TMTC2: variants seen among roughly 807,000 people sequenced by gnomAD.
The protein encoded by TMTC2 is transmembrane O-mannosyltransferase targeting cadherins 2, also known as protein O-mannosyl-transferase TMTC2.
Under a neutral mutation model 82.4 loss-of-function variants are expected in TMTC2, and 43 were observed. That is an observed-to-expected ratio of 0.52 (90% confidence interval 0.41 to 0.67). TMTC2 has a LOEUF of 0.67. TMTC2 is among the 30% of genes least tolerant of loss of function. The pLI is 0.00. For missense variants in TMTC2, 919 were observed against 1,012.4 expected, an observed-to-expected ratio of 0.91 and a Z score of 1.25; for synonymous variants, 408 against 381.9, an observed-to-expected ratio of 1.07 and a Z score of -0.80.
At chr12:83,085,663 A>T (rs11836568) in intron 11 of TMTC2, among the ~76,000 whole-genome samples, 8,404 of 152,256 alleles carry the variant, frequency 0.055, 346 homozygotes, top group East Asian at 0.23. Flanking sequence ...CTTTCCCAAC[A>T]TGGTATTCTT....
chr12:82,763,376 G>T (rs959591239), intron 1 of TMTC2, among the ~76,000 whole-genome samples: 4 of 152,136 alleles, frequency 2.6e-5, no homozygotes, highest in African/African-American at 9.7e-5. Flanking sequence ...TCACTTAGGG[G>T]AATTATTAAA....
chr12:82,787,082 G>T (rs1878212679), intron 1 of TMTC2, among the ~76,000 whole-genome samples: 1 of 152,016 alleles, frequency 6.6e-6, no homozygotes, highest in South Asian at 2.1e-4. Context: ...TTGGGGGCTA[G>T]GGTTACATAT....
At chr12:82,936,054 G>A (rs1225571365) in intron 4 of TMTC2, among the ~76,000 whole-genome samples, 2 of 151,878 alleles carry the variant, frequency 1.3e-5, no homozygotes, top group African/African-American at 4.8e-5. Context: ...TTAAGACTGA[G>A]AAAAGTTATA....
intron 1 of TMTC2, among the ~76,000 whole-genome samples, chr12:82,852,749 AT>A (rs1871050300): frequency 6.6e-6 from 1 of 151,946 alleles, no homozygotes; most frequent in African/African-American, 2.4e-5. Flanking sequence ...CCTTTTTCTT[AT>A]TTTGCTGGAG....
intron 9 of TMTC2, among the ~76,000 whole-genome samples, chr12:83,033,382 A>G (rs867985751): frequency 6.6e-6 from 1 of 152,342 alleles, no homozygotes; most frequent in African/African-American, 2.4e-5. Context: ...AGCCTAGAGA[A>G]ATGAAGTTGA....
intron 4 of TMTC2, among the ~76,000 whole-genome samples, chr12:82,931,411 G>A (rs1035057713): frequency 2.0e-5 from 3 of 152,110 alleles, no homozygotes; most frequent in Non-Finnish European, 2.9e-5. Context: ...AAATCCCTAG[G>A]GGAAAAACTG....
At chr12:82,819,497 C>CTTTTTTTTTTT (rs766912583) in intron 1 of TMTC2, among the ~76,000 whole-genome samples, 1 of 118,286 alleles carries the variant, frequency 8.5e-6, no homozygotes, top group Non-Finnish European at 1.7e-5. Flanking sequence ...TTCTCTCTTT[C>CTTTTTTTTTTT]TTTTTTTTTT....
chr12:83,054,264 A>G lies in TMTC2; in HGVS notation c.2267+3246A>G, dbSNP rs140057740. On this transcript the variant is annotated intron_variant, in intron 10 of 11. Transcript: ENST00000321196. Reference sequence around the variant, plus strand: ...AAGTATAACCTAACTTAGCTGATACAAAATATGTCTGTGCAAAGAAATAGG... The same window carrying G: ...AAGTATAACCTAACTTAGCTGATACGAAATATGTCTGTGCAAAGAAATAGG... Among the ~76,000 whole-genome samples the G allele has an allele frequency of 2.7e-3, 416 of 152,236 alleles. 2 individuals carry two copies. The highest frequency in any genetic ancestry group is 6.8e-3 in the Middle Eastern group (2 of 294).
At chr12:82,943,735 A>G (rs978045976) in intron 4 of TMTC2, among the ~76,000 whole-genome samples, 2 of 152,236 alleles carry the variant, frequency 1.3e-5, no homozygotes, top group Non-Finnish European at 2.9e-5. Context: ...GTATATTTAT[A>G]AATATGAATT....
At chr12:82,741,432 T>C (rs551894406) in intron 1 of TMTC2, among the ~76,000 whole-genome samples, 27 of 152,174 alleles carry the variant, frequency 1.8e-4, no homozygotes, top group Non-Finnish European at 3.8e-4. Flanking sequence ...TGCCTTAGCC[T>C]CCTGAGTAGC....
At position 82,965,218 on chromosome 12, in the gene TMTC2, C is replaced by A. The variant is rs1878137364; in HGVS notation, c.1684+109C>A. On this transcript the variant is annotated intron_variant, in intron 5 of 11. Transcript: ENST00000321196. ...CACTTGGTGCTCTTATTTCTGAATA[C>A]TCGCTAATCAGATTATGAACCTCTA... The A allele has an allele frequency of 5.1e-6, 4 of 784,570 alleles. No homozygotes were observed. The Admixed American group carries it at 7.6e-5, about 15-fold the overall frequency. 48.6% of individuals were successfully genotyped at this position (784,570 alleles called of 1,614,324 possible).
chr12:82,857,677 CG>C (rs981462880), intron 2 of TMTC2, 97 bp downstream of exon 2: 1 of 1,167,178 alleles, frequency 8.6e-7, no homozygotes, highest in African/African-American at 1.6e-5. Flanking sequence ...CCTCTGCAAG[CG>C]GAATTTAAAA....
At chr12:82,894,178 A>C (rs543594394) in intron 2 of TMTC2, among the ~76,000 whole-genome samples, 1 of 152,300 alleles carries the variant, frequency 6.6e-6, no homozygotes, top group South Asian at 2.1e-4. Context: ...GAGGTATCTA[A>C]GTGAATATGC....
At chr12:82,809,001 A>AT (rs374885033) in intron 1 of TMTC2, among the ~76,000 whole-genome samples, 61 of 149,368 alleles carry the variant, frequency 4.1e-4, no homozygotes, top group Non-Finnish European at 3.3e-4. Flanking sequence ...CCATTGTTTG[A>AT]TTTTTTTTTC....
At chr12:82,863,009 T>C (rs922588864) in intron 2 of TMTC2, among the ~76,000 whole-genome samples, 3 of 152,222 alleles carry the variant, frequency 2.0e-5, no homozygotes, top group Non-Finnish European at 4.4e-5. Context: ...AGCATGCGAA[T>C]AGAGATGCAT....
At chr12:82,939,648 AT>A (rs1876596178) in intron 4 of TMTC2, among the ~76,000 whole-genome samples, 1 of 152,152 alleles carries the variant, frequency 6.6e-6, no homozygotes, top group Non-Finnish European at 1.5e-5. Context: ...CTATCCAATT[AT>A]TGGATAGCTA....
chr12:82,901,842 C>G (rs1003489394), intron 3 of TMTC2, among the ~76,000 whole-genome samples: 1 of 152,230 alleles, frequency 6.6e-6, no homozygotes. Flanking sequence ...TGTGGGCTTT[C>G]CCACAGACTC....
At chr12:82,914,179 A>G (rs938685661) in intron 3 of TMTC2, among the ~76,000 whole-genome samples, 1 of 152,220 alleles carries the variant, frequency 6.6e-6, no homozygotes, top group African/African-American at 2.4e-5. Flanking sequence ...CGTGCCCAAG[A>G]TTTTTGCATA....
intron 8 of TMTC2, among the ~76,000 whole-genome samples, chr12:83,009,037 G>A (rs895884243): frequency 2.0e-5 from 3 of 152,180 alleles, no homozygotes; most frequent in Admixed American, 6.5e-5. Context: ...GGATGGGCCT[G>A]TGTCTGTGTC....
Sources: gnomAD v4.1 joint callset for allele counts (sites outside exome capture counted in the v4.1 genomes callset) on GRCh38, gnomAD v4.1.1 for gene constraint, MANE v1.5 for transcripts, NCBI Gene and HGNC (gene_info 2026-07-23, HGNC 2026-07-21) for gene names.